TAF5: variants seen among roughly 807,000 people sequenced by gnomAD.
TAF5 encodes transcription initiation factor TFIID subunit 5.
Under a neutral mutation model 80.9 loss-of-function variants are expected in TAF5, and 20 were observed. The ratio of observed to expected loss-of-function variants is 0.25; its 90% confidence interval spans 0.17 to 0.36. TAF5 has a LOEUF of 0.36. Ranked by LOEUF, TAF5 falls within the 10% of genes least tolerant of loss-of-function variation. TAF5 has a pLI of 1.00. For synonymous variants in TAF5, 388 were observed against 406.4 expected, an observed-to-expected ratio of 0.95 and a Z score of 0.55; for missense variants, 863 against 1,029.4, an observed-to-expected ratio of 0.84 and a Z score of 2.21.
intron 7 of TAF5, among the ~76,000 whole-genome samples, chr10:103,383,804 T>G (rs986550237): frequency 2.0e-5 from 3 of 152,020 alleles, no homozygotes; most frequent in African/African-American, 7.2e-5. Flanking sequence ...TCTTGAACTC[T>G]CAACCTCAGG....
intron 2 of TAF5, among the ~76,000 whole-genome samples, chr10:103,377,536 G>A (rs1038165062): frequency 3.9e-5 from 6 of 152,124 alleles, no homozygotes; most frequent in African/African-American, 9.7e-5. Context: ...AAAATTAAGC[G>A]TTGTAAAAAC....
At position 103,369,838 on chromosome 10, in the gene TAF5, C is replaced by T. The variant is rs180790700; in HGVS notation, c.559+1290C>T. ...TATTGACATATGGCAGCTTGAGAGC[C>T]ATGTGTTTAGGCATGGGCATTGGAC... On this transcript the variant is annotated intron_variant, in intron 1 of 10. Transcript: ENST00000369839. 2.4e-4 allele frequency among the ~76,000 whole-genome samples: 36 copies of T among 152,262 alleles called. No homozygotes were observed. The East Asian group carries it at 5.6e-3, about 24-fold the overall frequency.
chr10:103,376,848 A>G (rs2093371245), intron 2 of TAF5, among the ~76,000 whole-genome samples: 1 of 152,184 alleles, frequency 6.6e-6, no homozygotes, highest in Non-Finnish European at 1.5e-5. Flanking sequence ...GTTCGAGACC[A>G]TCCTGGCCAA....
At chr10:103,380,281 G>T (rs1329402989) in intron 5 of TAF5, among the ~76,000 whole-genome samples, 1 of 151,974 alleles carries the variant, frequency 6.6e-6, no homozygotes, top group East Asian at 1.9e-4. Context: ...GGCGCATACC[G>T]CCATGCCCGG....
At chr10:103,382,637 G>GTTT (rs1003076222) in intron 6 of TAF5, among the ~76,000 whole-genome samples, 3 of 144,546 alleles carry the variant, frequency 2.1e-5, no homozygotes, top group African/African-American at 7.6e-5. Context: ...ATTTCCATAG[G>GTTT]TTTTTTTTTT....
chr10:103,369,596 C>A (rs751442649), intron 1 of TAF5, among the ~76,000 whole-genome samples: 6 of 151,866 alleles, frequency 4.0e-5, no homozygotes, highest in Non-Finnish European at 8.8e-5. Context: ...AATTCCTGAC[C>A]TCGTGATGCA....
At chr10:103,370,281 C>T (rs1484725847) in intron 1 of TAF5, among the ~76,000 whole-genome samples, 1 of 145,716 alleles carries the variant, frequency 6.9e-6, no homozygotes, top group Non-Finnish European at 1.5e-5. Context: ...GCAGGTCATT[C>T]TCATGTTGAA....
In TAF5 at chr10:103,378,653, AT is replaced by A. The variant is rs2093375044; in HGVS notation, c.1113+110del. The A allele has an allele frequency of 7.5e-6, 10 of 1,337,982 alleles. No homozygotes were observed. The highest frequency in any genetic ancestry group is 6.1e-5 in the South Asian group (4 of 65,846). 82.9% of individuals were successfully genotyped at this position (1,337,982 alleles called of 1,614,324 possible). ...TTTTCTTATAGCTAGCTTGGAAACA[AT>A]TTTTTTCGTTTGTTTGTTTTGAGAC... On this transcript the variant is annotated intron_variant, in intron 3 of 10. Transcript: ENST00000369839. This position sits in a 1 kb window ranked among gnomAD's most constrained non-coding sequence, Gnocchi z 4.1.
chr10:103,381,905 G>T, intron 6 of TAF5, 64 bp downstream of exon 6: 1 of 1,589,944 alleles, frequency 6.3e-7, no homozygotes. Context: ...TGATTCCATG[G>T]AAAATACACA....
chr10:103,372,129 G>C (rs890214222), intron 1 of TAF5, among the ~76,000 whole-genome samples: 1 of 151,654 alleles, frequency 6.6e-6, no homozygotes, highest in Non-Finnish European at 1.5e-5. Context: ...TAGAGACGGG[G>C]TTTCACTATG....
At chr10:103,387,132 A>G (rs781048225) in intron 8 of TAF5, 43 bp from the exon 9 acceptor site, 6 of 1,566,872 alleles carry the variant, frequency 3.8e-6, no homozygotes, top group Admixed American at 1.9e-5. Context: ...TTTCACAGCT[A>G]TCTACTAATT....
intron 2 of TAF5, among the ~76,000 whole-genome samples, chr10:103,375,522 A>G (rs762426005): frequency 6.6e-6 from 1 of 152,206 alleles, no homozygotes; most frequent in Non-Finnish European, 1.5e-5. Flanking sequence ...CATTTAAGAA[A>G]TGTCAAGTTG....
At chr10:103,371,169 G>A (rs974394720) in intron 1 of TAF5, among the ~76,000 whole-genome samples, 5 of 151,724 alleles carry the variant, frequency 3.3e-5, no homozygotes, top group African/African-American at 1.2e-4. Flanking sequence ...CTTTAACCCA[G>A]GCGGCAGAAG....
At chr10:103,368,578 C>T (rs778410419) in intron 1 of TAF5, 30 bp downstream of exon 1, 12 of 1,452,352 alleles carry the variant, frequency 8.3e-6, no homozygotes, top group Middle Eastern at 2.2e-4. Context: ...GTAGGTACGG[C>T]CGCCGCGAAG....
chr10:103,376,056 C>CA (rs373587088), intron 2 of TAF5, among the ~76,000 whole-genome samples: 37,871 of 131,076 alleles, frequency 0.29, 5,879 homozygotes, highest in South Asian at 0.53. Flanking sequence ...AAGTCTATCT[C>CA]AAAAAAAAAA....
chr10:103,369,565 A>G (rs561957246), intron 1 of TAF5, among the ~76,000 whole-genome samples: 6 of 151,860 alleles, frequency 4.0e-5, no homozygotes, highest in African/African-American at 1.4e-4. Context: ...GGGTTTCGCC[A>G]TATTGGTCAG....
rs754223034 is a variant in TAF5, at chr10:103,378,392, A to C, written c.955A>C (p.Arg319=). The C allele has an allele frequency of 1.2e-6, 2 of 1,614,196 alleles. No individual in the cohort carries two copies. Among genetic ancestry groups the C allele is most frequent in the Non-Finnish European group, 1.7e-6 (2 of 1,180,032 alleles). ...ISRDSYQLLK[R]HLQEKQNNQI... Reference sequence around the variant, plus strand: ...CCGTGACTCGTACCAACTCTTGAAGAGGCATCTTCAGGAGAAACAGAACAA... The same window carrying C: ...CCGTGACTCGTACCAACTCTTGAAGCGGCATCTTCAGGAGAAACAGAACAA... The change falls in exon 3 of 11, where the codon AGG becomes CGG. Residue 319 remains arginine (R), a synonymous_variant. Transcript: ENST00000369839. This position sits in a 1 kb window ranked among gnomAD's most constrained non-coding sequence, Gnocchi z 4.1.
chr10:103,385,073 T>G (rs1384028212), intron 7 of TAF5, among the ~76,000 whole-genome samples: 4 of 152,198 alleles, frequency 2.6e-5, no homozygotes, highest in African/African-American at 9.7e-5. Context: ...CCTAAGTTTT[T>G]GTATCATATT....
intron 8 of TAF5, among the ~76,000 whole-genome samples, chr10:103,385,823 G>A (rs1445883625): frequency 6.6e-6 from 1 of 150,696 alleles, no homozygotes; most frequent in Non-Finnish European, 1.5e-5. Flanking sequence ...TATTCAGGAG[G>A]CTGAGGCAGG....
Sources: allele counts gnomAD v4.1 joint callset (sites outside exome capture counted in the v4.1 genomes callset), GRCh38; gene constraint gnomAD v4.1.1; non-coding constraint Gnocchi (gnomAD v3.1); transcripts MANE v1.5; gene names NCBI Gene and HGNC (gene_info 2026-07-23, HGNC 2026-07-21).